The following GAS7 variants were observed in gnomAD, a reference collection of about 807,000 sequenced individuals.
The protein encoded by GAS7 is growth arrest-specific protein 7.
GAS7 carries 28 observed loss-of-function variants against 71.1 expected under a neutral mutation model. That is an observed-to-expected ratio of 0.39 (90% CI 0.29 to 0.54). The LOEUF (loss-of-function observed/expected upper bound fraction) is 0.54. Among genes scored for constraint, GAS7 ranks in the 20% least tolerant of loss-of-function variants. The pLI is 0.62. For synonymous variants in GAS7, 258 were observed against 245.8 expected (o/e 1.05, Z -0.46); for missense variants, 436 against 627.8 (o/e 0.69, Z 3.27).
At chr17:10,133,126 T>A (rs954452042) in intron 1 of GAS7, among the ~76,000 whole-genome samples, 63 of 86,436 alleles carry the variant, frequency 7.3e-4, no homozygotes, top group Middle Eastern at 6.6e-3. Flanking sequence ...TTTTATATTT[T>A]TTTTTTTTCT....
At chr17:10,038,146 C>T (rs1475038316) in intron 1 of GAS7, among the ~76,000 whole-genome samples, 3 of 151,908 alleles carry the variant, frequency 2.0e-5, no homozygotes, top group African/African-American at 7.3e-5. Flanking sequence ...TCACTTGAGG[C>T]CAGGAGTTCA....
intron 1 of GAS7, among the ~76,000 whole-genome samples, chr17:10,022,988 C>T (rs954718279): frequency 1.3e-5 from 2 of 152,190 alleles, no homozygotes; most frequent in African/African-American, 4.8e-5. Flanking sequence ...CAGTGTCCCA[C>T]CCAGGAAAGA....
intron 2 of GAS7, among the ~76,000 whole-genome samples, chr17:9,995,881 G>C (rs1016331606): frequency 6.6e-6 from 1 of 152,182 alleles, no homozygotes; most frequent in African/African-American, 2.4e-5. Context: ...ATGATGTATC[G>C]ACAGGGTGGC....
intron 4 of GAS7, among the ~76,000 whole-genome samples, chr17:9,963,261 T>C (rs2069575709): frequency 1.3e-5 from 2 of 152,110 alleles, no homozygotes; most frequent in Admixed American, 6.5e-5. Flanking sequence ...TTATATGAAA[T>C]GTCCAGAAGA....
At chr17:10,095,871 A>G (rs1208360368) in intron 1 of GAS7, among the ~76,000 whole-genome samples, 1 of 151,600 alleles carries the variant, frequency 6.6e-6, no homozygotes, top group Non-Finnish European at 1.5e-5. Flanking sequence ...CCCTACAAAC[A>G]GCACAAACCT....
chr17:10,182,495 T>C (rs1394557173), intron 1 of GAS7, among the ~76,000 whole-genome samples: 2 of 152,154 alleles, frequency 1.3e-5, no homozygotes, highest in Non-Finnish European at 2.9e-5. Context: ...TGCTTTTACT[T>C]TGTCAGCTAA....
intron 1 of GAS7, among the ~76,000 whole-genome samples, chr17:10,069,214 C>T (rs188298183): frequency 6.0e-4 from 92 of 152,314 alleles, no homozygotes; most frequent in South Asian, 5.4e-3. Context: ...GAGGGCTCCC[C>T]GGCCTGCTAC....
At chr17:10,060,380 C>T (rs1389016751) in intron 1 of GAS7, among the ~76,000 whole-genome samples, 2 of 152,128 alleles carry the variant, frequency 1.3e-5, no homozygotes, top group Admixed American at 6.5e-5. Flanking sequence ...CTCATGACTC[C>T]GGGATGTGCA....
chr17:10,198,520 G>C lies in GAS7; in HGVS notation c.-130C>G. On this transcript the variant is annotated 5_prime_UTR_variant, in exon 1 of 14. Coordinates refer to ENST00000432992, the MANE Select transcript of GAS7 (RefSeq NM_201433.2). ...CGCTCTGGGCGCGCGCCGTCTCTGG[G>C]GTGCGCGGGGGTCCTCAGGCAGGCG... 2.0e-6 allele frequency: 1 copy of C among 510,466 alleles called. No homozygotes were observed. Among genetic ancestry groups the C allele is most frequent in the Non-Finnish European group, 3.1e-6 (1 of 319,812 alleles). The allele number at this position is 510,466 out of a possible 1,614,324, so 31.6% of individuals were successfully genotyped here. A position where few individuals can be genotyped will look rare whatever the true frequency, so the allele number is the denominator to read the frequency against.
rs1318950381 is a variant in GAS7, at chr17:10,034,274, G to A, written c.184-14377C>T. On this transcript the variant is annotated intron_variant, in intron 1 of 13. Coordinates refer to ENST00000432992, the MANE Select transcript of GAS7 (RefSeq NM_201433.2). This position sits in a 1 kb window ranked among gnomAD's most constrained non-coding sequence, Gnocchi z 4.4. The stretch of plus-strand genomic sequence containing the variant: ...AAGTTGGACCAGATGGTCTCCAAGG[G>A]CTTTCATATATACATATATATAGCC... 2 of 956,602 alleles carry A rather than the reference G, an allele frequency of 2.1e-6. No individual in the cohort carries two copies. Among genetic ancestry groups the A allele is most frequent in the Non-Finnish European group, 2.5e-6 (2 of 803,974 alleles). The allele number at this position is 956,602 out of a possible 1,614,324, so 59.3% of individuals were successfully genotyped here.
intron 1 of GAS7, among the ~76,000 whole-genome samples, chr17:10,030,308 C>A (rs547575852): frequency 2.6e-5 from 4 of 152,336 alleles, no homozygotes; most frequent in Non-Finnish European, 4.4e-5. Context: ...AAGGAAAAAT[C>A]AGTAGGAACC....
chr17:10,153,940 T>C (rs1487162867), intron 1 of GAS7, among the ~76,000 whole-genome samples: 1 of 152,138 alleles, frequency 6.6e-6, no homozygotes. Context: ...TAGCTGGGTG[T>C]GGTGGTATGC....
Position 9,926,567 on chromosome 17 carries a change from C to A in GAS7, c.1014+74G>T. On this transcript the variant is annotated intron_variant, in intron 10 of 13. Coordinates refer to ENST00000432992, the MANE Select transcript of GAS7 (RefSeq NM_201433.2). The surrounding 1 kb of genome is among the most constrained non-coding windows in gnomAD (Gnocchi z 5.0). ...TCAGCCTTGGCGTATGGAGCCACTG[C>A]TGGCTTCCCAGTCCCCCTTCTTCCA... 2 of 1,518,746 alleles carry A rather than the reference C, an allele frequency of 1.3e-6. No homozygotes were observed. The allele number at this position is 1,518,746 out of a possible 1,614,324, so 94.1% of individuals were successfully genotyped here.
chr17:10,053,098 A>G (rs8071914), intron 1 of GAS7, among the ~76,000 whole-genome samples: 43,333 of 151,992 alleles, frequency 0.29, 8,319 homozygotes, highest in African/African-American at 0.56. Flanking sequence ...AGCAAGGTGG[A>G]GGAAGAGAGG....
chr17:9,998,677 C>A (rs2071142078), intron 2 of GAS7, among the ~76,000 whole-genome samples: 1 of 121,066 alleles, frequency 8.3e-6, no homozygotes, highest in African/African-American at 4.5e-5. Flanking sequence ...GACAGAAAGA[C>A]AGAAAAGGAA....
intron 1 of GAS7, among the ~76,000 whole-genome samples, chr17:10,038,463 CCT>C (rs1357427547): frequency 2.0e-5 from 3 of 152,110 alleles, no homozygotes; most frequent in Admixed American, 6.5e-5. Flanking sequence ...TAGTACAGCC[CCT>C]GTGGAAAATA....
intron 5 of GAS7, among the ~76,000 whole-genome samples, chr17:9,948,862 C>A (rs1158534306): frequency 6.6e-6 from 1 of 152,272 alleles, no homozygotes; most frequent in South Asian, 2.1e-4. Flanking sequence ...TCCTAGGACG[C>A]GGGCTAATTT....
At chr17:9,952,384 A>C (rs2069056444) in intron 5 of GAS7, among the ~76,000 whole-genome samples, 1 of 152,028 alleles carries the variant, frequency 6.6e-6, no homozygotes, top group Admixed American at 6.5e-5. Context: ...AAGGACATGA[A>C]CAGACACTTT....
intron 1 of GAS7, among the ~76,000 whole-genome samples, chr17:10,038,438 G>A (rs1433478243): frequency 6.6e-6 from 1 of 152,170 alleles, no homozygotes; most frequent in African/African-American, 2.4e-5. Context: ...GTGCCCTTCT[G>A]GTGGGAATGT....
Sources: allele counts gnomAD v4.1 joint callset (sites outside exome capture counted in the v4.1 genomes callset), GRCh38; gene constraint gnomAD v4.1.1; non-coding constraint Gnocchi (gnomAD v3.1); transcripts MANE v1.5; gene names NCBI Gene and HGNC (gene_info 2026-07-23, HGNC 2026-07-21).